The following RFC3 variants were observed in gnomAD, a reference collection of about 807,000 sequenced individuals.
RFC3 encodes replication factor C subunit 3, also known as A1 38 kDa subunit.
RFC3 carries 41 observed loss-of-function variants against 45.1 expected under a neutral mutation model. The observed-to-expected ratio is 0.91, with a 90% CI of 0.71 to 1.18. The LOEUF (loss-of-function observed/expected upper bound fraction) is 1.18. Among genes scored for constraint, RFC3 ranks in the 50% most tolerant of loss-of-function variants. RFC3 has a pLI of 0.00. For missense variants in RFC3, 423 were observed against 428.1 expected (o/e 0.99, Z 0.10); for synonymous variants, 149 against 144.0 (o/e 1.03, Z -0.25).
intron 4 of RFC3, 110 bp downstream of exon 4, chr13:33,825,996 G>A: frequency 2.0e-6 from 1 of 492,232 alleles, no homozygotes; most frequent in Non-Finnish European, 3.5e-6. Flanking sequence ...GGGCTCATGG[G>A]AGTTTATAGT....
chr13:33,920,364 GCAATAGT>G (rs1483627792), intron 8 of RFC3, among the ~76,000 whole-genome samples: 1 of 150,900 alleles, frequency 6.6e-6, no homozygotes, highest in Non-Finnish European at 1.5e-5. Flanking sequence ...CTCTTTAGGA[GCAATAGT>G]CAATAGTTCA....
At chr13:33,912,895 G>C (rs939639231) in intron 8 of RFC3, among the ~76,000 whole-genome samples, 13 of 151,996 alleles carry the variant, frequency 8.6e-5, no homozygotes, top group African/African-American at 3.1e-4. Flanking sequence ...GTGGTAATTA[G>C]CTTAATAACT....
intron 8 of RFC3, among the ~76,000 whole-genome samples, chr13:33,953,507 A>C (rs765706610): frequency 7.2e-5 from 11 of 152,162 alleles, no homozygotes; most frequent in Non-Finnish European, 1.6e-4. Flanking sequence ...TAGAGATGTC[A>C]TAAATATAGT....
At chr13:33,874,543 T>G (rs1448382376) in intron 8 of RFC3, among the ~76,000 whole-genome samples, 2 of 152,226 alleles carry the variant, frequency 1.3e-5, no homozygotes, top group African/African-American at 4.8e-5. Flanking sequence ...GGTCTCAAAC[T>G]TCTGACCTCG....
intron 8 of RFC3, among the ~76,000 whole-genome samples, chr13:33,948,877 A>C (rs2082970922): frequency 6.6e-6 from 1 of 152,186 alleles, no homozygotes; most frequent in Non-Finnish European, 1.5e-5. Context: ...GCATCTAGGA[A>C]GTAATTAACT....
chr13:33,851,298 G>A (rs781361970), intron 8 of RFC3, among the ~76,000 whole-genome samples: 2 of 152,056 alleles, frequency 1.3e-5, no homozygotes, highest in Non-Finnish European at 2.9e-5. Flanking sequence ...GAACAATGTC[G>A]GGGGTTGGAG....
intron 8 of RFC3, among the ~76,000 whole-genome samples, chr13:33,851,914 G>A (rs1448561143): frequency 1.3e-5 from 2 of 152,150 alleles, no homozygotes; most frequent in African/African-American, 4.8e-5. Flanking sequence ...AAACTGTGAA[G>A]TTGAAGACTG....
chr13:33,949,613 C>G (rs10467449), intron 8 of RFC3, among the ~76,000 whole-genome samples: 5,115 of 152,150 alleles, frequency 0.034, 269 homozygotes, highest in African/African-American at 0.11. Flanking sequence ...CAGTAGAAGT[C>G]CTTTAGGTGC....
intron 8 of RFC3, among the ~76,000 whole-genome samples, chr13:33,960,138 C>A (rs574440843): frequency 6.6e-6 from 1 of 152,084 alleles, no homozygotes; most frequent in East Asian, 1.9e-4. Context: ...CCAGGCCCCA[C>A]GTCTAATACT....
At chr13:33,845,049 A>G (rs1179699307) in intron 8 of RFC3, among the ~76,000 whole-genome samples, 2 of 152,216 alleles carry the variant, frequency 1.3e-5, no homozygotes, top group African/African-American at 4.8e-5. Flanking sequence ...TTTTCACAGG[A>G]TATAAGTCTA....
chr13:33,873,567 C>CAG (rs919086483), intron 8 of RFC3, among the ~76,000 whole-genome samples: 43 of 152,214 alleles, frequency 2.8e-4, no homozygotes, highest in Admixed American at 2.7e-3. Flanking sequence ...AACAAACTGA[C>CAG]AGAGAGAGGA....
chr13:33,840,321 A>G (rs1467125135), downstream of RFC3, among the ~76,000 whole-genome samples: 2 of 151,904 alleles, frequency 1.3e-5, no homozygotes, highest in Non-Finnish European at 2.9e-5. Flanking sequence ...TCAAGTTTTC[A>G]GCTCTGGCAG....
At chr13:33,953,923 A>G (rs867597787) in intron 8 of RFC3, among the ~76,000 whole-genome samples, 16 of 152,190 alleles carry the variant, frequency 1.1e-4, no homozygotes, top group African/African-American at 3.9e-4. Context: ...CTAATTGGAG[A>G]ATTTTACTTG....
chr13:33,867,808 T>C (rs1364697842), intron 8 of RFC3, among the ~76,000 whole-genome samples: 3 of 152,242 alleles, frequency 2.0e-5, no homozygotes, highest in Non-Finnish European at 4.4e-5. Context: ...AACTATCAGC[T>C]ACAACCCCAG....
intron 8 of RFC3, among the ~76,000 whole-genome samples, chr13:33,856,068 C>T (rs542637495): frequency 3.9e-5 from 6 of 152,256 alleles, no homozygotes; most frequent in African/African-American, 1.2e-4. Flanking sequence ...AATGACATTT[C>T]GTAGGTTGTC....
At chr13:33,882,789 C>T (rs2082493987) in intron 8 of RFC3, among the ~76,000 whole-genome samples, 1 of 152,336 alleles carries the variant, frequency 6.6e-6, no homozygotes, top group African/African-American at 2.4e-5. Context: ...TCTTCCCAAT[C>T]CTGACCTTGA....
the RFC3 span, among the ~76,000 whole-genome samples, chr13:33,972,762 C>T: frequency 3.9e-5 from 6 of 152,194 alleles, no homozygotes; most frequent in East Asian, 3.9e-4. Flanking sequence ...AGGGACAATA[C>T]GTTATATATC....
intron 8 of RFC3, among the ~76,000 whole-genome samples, chr13:33,873,704 C>T (rs115787613): frequency 2.6e-5 from 4 of 152,176 alleles, no homozygotes; most frequent in African/African-American, 7.2e-5. Context: ...CTCTTTTGCT[C>T]CATCTCCTCA....
At chr13:33,918,023 T>C (rs1289805127) in intron 8 of RFC3, among the ~76,000 whole-genome samples, 1 of 152,114 alleles carries the variant, frequency 6.6e-6, no homozygotes, top group African/African-American at 2.4e-5. Flanking sequence ...TTGCTAGAAT[T>C]TCCTACAGCT....
Sources: allele counts gnomAD v4.1 joint callset (sites outside exome capture counted in the v4.1 genomes callset), GRCh38; gene constraint gnomAD v4.1.1; transcripts MANE v1.5; gene names NCBI Gene and HGNC (gene_info 2026-07-23, HGNC 2026-07-21).